The following TDRD9 variants were observed in gnomAD, a reference collection of about 807,000 sequenced individuals.
TDRD9 encodes ATP-dependent RNA helicase TDRD9.
In TDRD9, 124 loss-of-function variants were observed where a neutral mutation model predicts 172.6. The ratio of observed to expected loss-of-function variants is 0.72; its 90% CI spans 0.62 to 0.83. The LOEUF (loss-of-function observed/expected upper bound fraction) is 0.83. Ranked by LOEUF, TDRD9 falls within the 40% of genes least tolerant of loss-of-function variation. TDRD9 has a pLI of 0.00. For missense variants in TDRD9, 1,479 were observed against 1,714.1 expected, an observed-to-expected ratio of 0.86 and a Z score of 2.42; for synonymous variants, 619 against 617.1, an observed-to-expected ratio of 1.00 and a Z score of -0.05.
At chr14:103,943,221 C>G (rs1304856000) in intron 1 of TDRD9, among the ~76,000 whole-genome samples, 1 of 151,802 alleles carries the variant, frequency 6.6e-6, no homozygotes, top group Non-Finnish European at 1.5e-5. Context: ...GCCTCGACCT[C>G]CTGGGCTCAA....
In TDRD9 at chr14:103,997,820, C is replaced by T. The variant is rs1410378225; in HGVS notation, c.1379-804C>T. Among the ~76,000 whole-genome samples, 1 of 152,120 alleles carries T rather than the reference C, an allele frequency of 6.6e-6. No individual in the cohort carries two copies. Among genetic ancestry groups the T allele is most frequent in the Non-Finnish European group, 1.5e-5 (1 of 68,014 alleles). Reference sequence around the variant, plus strand: ...GCCCATGGCGGGTCAAGGAGGACCTCCCAACGGGGCTGTTGTCAGTGACCT... The same window carrying T: ...GCCCATGGCGGGTCAAGGAGGACCTTCCAACGGGGCTGTTGTCAGTGACCT... On this transcript the variant is annotated intron_variant, in intron 12 of 35. Transcript: ENST00000409874. The surrounding 1 kb of genome is among the most constrained non-coding windows in gnomAD (Gnocchi z 5.1).
At chr14:104,031,301 A>G in intron 29 of TDRD9, 38 bp downstream of exon 29, 1 of 1,526,326 alleles carries the variant, frequency 6.6e-7, no homozygotes, top group Non-Finnish European at 8.8e-7. Flanking sequence ...TTAAAAGCTT[A>G]GTATCATTTT....
chr14:103,929,993 A>G (rs2030265936), intron 1 of TDRD9, among the ~76,000 whole-genome samples: 1 of 152,214 alleles, frequency 6.6e-6, no homozygotes, highest in Non-Finnish European at 1.5e-5. Flanking sequence ...GGGTGGAAAT[A>G]AAAAGCAAGA....
intron 1 of TDRD9, among the ~76,000 whole-genome samples, chr14:103,932,812 A>G (rs2030489269): frequency 6.6e-6 from 1 of 152,182 alleles, no homozygotes; most frequent in South Asian, 2.1e-4. Flanking sequence ...AGTGTTGTTA[A>G]ATCAGCTTAA....
At chr14:103,957,650 G>A (rs934202605) in intron 2 of TDRD9, among the ~76,000 whole-genome samples, 21 of 152,204 alleles carry the variant, frequency 1.4e-4, no homozygotes, top group Admixed American at 3.9e-4. Flanking sequence ...GGAAGTAGCC[G>A]TATGTGTTAT....
chr14:103,965,231 T>C (rs2032683646), intron 3 of TDRD9, 102 bp from the exon 4 acceptor site: 1 of 1,253,456 alleles, frequency 8.0e-7, no homozygotes, highest in African/African-American at 1.5e-5. Flanking sequence ...AAAACAAAAC[T>C]TTAAGATGAA....
At chr14:104,016,272 C>T (rs1029683417) in intron 22 of TDRD9, among the ~76,000 whole-genome samples, 184 bp downstream of exon 22, 2 of 152,160 alleles carry the variant, frequency 1.3e-5, no homozygotes, top group African/African-American at 4.8e-5. Flanking sequence ...ACTTGTCCCT[C>T]AGTCTCTTGC....
In TDRD9 at chr14:103,963,047, G is replaced by A. The variant is rs1233273349; in HGVS notation, c.323-32G>A. ...GTTATCTTTTTCCAGATAAGAAATGGCATTGTATTTGTTTGTTTTGCCTTA... is the reference window on the plus strand; with the variant it reads ...GTTATCTTTTTCCAGATAAGAAATGACATTGTATTTGTTTGTTTTGCCTTA... On this transcript the variant is annotated intron_variant, in intron 2 of 35. Coordinates refer to ENST00000409874, the MANE Select transcript of TDRD9 (RefSeq NM_153046.3). The A allele has an allele frequency of 3.9e-6, 5 of 1,283,742 alleles. No homozygotes were observed. In the South Asian group the frequency reaches 5.4e-5, roughly 14 times the overall value. The allele number at this position is 1,283,742 out of a possible 1,614,324, so 79.5% of individuals were successfully genotyped here.
At chr14:103,992,189 G>A (rs2033894425) in intron 9 of TDRD9, among the ~76,000 whole-genome samples, 1 of 152,168 alleles carries the variant, frequency 6.6e-6, no homozygotes, top group Admixed American at 6.5e-5. Flanking sequence ...ATGTTAAATT[G>A]TACTTTTTCA....
chr14:103,971,745 T>C (rs1470738803), intron 6 of TDRD9, among the ~76,000 whole-genome samples: 1 of 152,244 alleles, frequency 6.6e-6, no homozygotes, highest in Non-Finnish European at 1.5e-5. Flanking sequence ...TTGGTTATTA[T>C]GTTGCCTTAA....
chr14:103,972,316 AC>A (rs773380522), intron 6 of TDRD9, among the ~76,000 whole-genome samples: 1 of 150,512 alleles, frequency 6.6e-6, no homozygotes, highest in African/African-American at 2.4e-5. Flanking sequence ...AAAAAAAAAA[AC>A]AAAAACAAAA....
At chr14:104,002,332 A>G (rs1241040780) in intron 13 of TDRD9, among the ~76,000 whole-genome samples, 3 of 151,638 alleles carry the variant, frequency 2.0e-5, no homozygotes, top group African/African-American at 4.8e-5. Context: ...AAAAAAAAAA[A>G]AAAAAGAAAA....
At chr14:103,994,625 G>A (rs953658373) in intron 11 of TDRD9, 22 bp downstream of exon 11, 1 of 1,593,950 alleles carries the variant, frequency 6.3e-7, no homozygotes, top group Non-Finnish European at 8.6e-7. Flanking sequence ...GGGAAGACAA[G>A]TTCTAAGCAC....
chr14:104,042,807 T>C (rs1172882380), intron 34 of TDRD9, among the ~76,000 whole-genome samples: 2 of 152,156 alleles, frequency 1.3e-5, no homozygotes, highest in Non-Finnish European at 2.9e-5. Context: ...CTTCCTTGCC[T>C]GACAGTGTCC....
Position 104,006,535 on chromosome 14 carries a change from A to G in TDRD9, c.1860A>G (p.Leu620=), listed in dbSNP as rs773132649. ...TCCTTGGACATGTATTTGGATGTCT[A>G]GATGAATGTCTTATTATAGGTAAGT... ...LIVLGHVFGC[L]DECLIIAAAL... is the part of the protein sequence containing the mutation. The change falls in exon 16 of 36, where the codon CTA becomes CTG. Residue 620 remains leucine (L), a synonymous_variant. Coordinates refer to ENST00000409874, the MANE Select transcript of TDRD9 (RefSeq NM_153046.3). 1 of 1,613,760 alleles carries G rather than the reference A, an allele frequency of 6.2e-7. No individual in the cohort carries two copies. Among genetic ancestry groups the G allele is most frequent in the Non-Finnish European group, 8.5e-7 (1 of 1,179,786 alleles).
chr14:104,025,572 A>T lies in TDRD9; in HGVS notation c.2727A>T (p.Glu909Asp). The change falls in exon 26 of 36, where the codon GAA becomes GAT. Residue 909 changes from glutamate (E) to aspartate (D), a missense_variant. Glu to Asp is a conservative substitution (Grantham distance 45). Coordinates refer to ENST00000409874, the MANE Select transcript of TDRD9 (RefSeq NM_153046.3). ...LLTIDVTEVV[E>D]VGHFWGYRID... The stretch of plus-strand genomic sequence containing the variant: ...CTCCTCTTCCTTTTTAGGTGGTTGA[A>T]GTGGGACACTTTTGGGGATACAGGA... 6.2e-7 allele frequency: 1 copy of T among 1,613,856 alleles called. No individual in the cohort carries two copies. The highest frequency in any genetic ancestry group is 1.1e-5 in the South Asian group (1 of 91,050).
At chr14:103,970,011 C>T (rs779143693) in intron 5 of TDRD9, among the ~76,000 whole-genome samples, 12 of 152,176 alleles carry the variant, frequency 7.9e-5, no homozygotes, top group Non-Finnish European at 1.5e-4. Flanking sequence ...CCAGGACCAG[C>T]CCTTGCCCAC....
intron 30 of TDRD9, among the ~76,000 whole-genome samples, chr14:104,032,563 C>G (rs2035317304): frequency 6.6e-6 from 1 of 152,250 alleles, no homozygotes; most frequent in Admixed American, 6.5e-5. Flanking sequence ...GAGGTAGTCT[C>G]TCTCTCACAC....
At chr14:104,025,094 G>A (rs889160609) in intron 25 of TDRD9, among the ~76,000 whole-genome samples, 1 of 152,178 alleles carries the variant, frequency 6.6e-6, no homozygotes, top group African/African-American at 2.4e-5. Flanking sequence ...CGATTCCCCT[G>A]CCTCAGCCTC....
Sources: allele counts gnomAD v4.1 joint callset (sites outside exome capture counted in the v4.1 genomes callset), GRCh38; gene constraint gnomAD v4.1.1; non-coding constraint Gnocchi (gnomAD v3.1); transcripts MANE v1.5; gene names NCBI Gene and HGNC (gene_info 2026-07-23, HGNC 2026-07-21).